NRIP1: variants seen among roughly 807,000 people sequenced by gnomAD.
NRIP1 encodes nuclear receptor interacting protein 1.
A neutral mutation model predicts 75.0 loss-of-function variants in NRIP1; 28 were observed. The ratio of observed to expected loss-of-function variants is 0.37; its 90% CI spans 0.28 to 0.51. The LOEUF (loss-of-function observed/expected upper bound fraction) is 0.51, where lower values mean the gene tolerates loss of function less well. Ranked by LOEUF, NRIP1 falls within the 20% of genes least tolerant of loss-of-function variation. NRIP1 has a pLI of 0.92. For missense variants in NRIP1, 1,435 were observed against 1,343.7 expected (o/e 1.07, Z -1.06); for synonymous variants, 526 against 487.6 (o/e 1.08, Z -1.04).
intron 2 of NRIP1, among the ~76,000 whole-genome samples, chr21:15,023,047 G>A (rs1344186469): frequency 6.6e-6 from 1 of 152,182 alleles, no homozygotes; most frequent in Non-Finnish European, 1.5e-5. Context: ...ATCGGTGGTT[G>A]TCTAGGGCTG....
chr21:15,014,800 T>C (rs573573993), intron 2 of NRIP1, among the ~76,000 whole-genome samples: 6 of 151,144 alleles, frequency 4.0e-5, no homozygotes, highest in African/African-American at 1.5e-4. Context: ...TACAAAAAAT[T>C]ATAAATCCTC....
chr21:15,054,567 A>G (rs1314762135), intron 1 of NRIP1, among the ~76,000 whole-genome samples: 1 of 152,250 alleles, frequency 6.6e-6, no homozygotes, highest in Non-Finnish European at 1.5e-5. Context: ...TTAAGGAAAA[A>G]ATATTGTTCC....
intron 2 of NRIP1, among the ~76,000 whole-genome samples, chr21:15,015,484 T>TA (rs1157201110): frequency 6.6e-6 from 1 of 152,026 alleles, no homozygotes; most frequent in Admixed American, 6.6e-5. Context: ...TTATCCTAAT[T>TA]AAAAAAATCA....
chr21:15,041,750 A>C (rs1182509591), intron 2 of NRIP1, among the ~76,000 whole-genome samples: 4 of 152,176 alleles, frequency 2.6e-5, no homozygotes, highest in Non-Finnish European at 5.9e-5. Context: ...TTTATAGCTA[A>C]GTGTGAATGT....
At position 14,964,954 on chromosome 21, in the gene NRIP1, G is replaced by A. The variant is rs147310650; in HGVS notation, c.3239C>T (p.Thr1080Ile). ...GTCCTTGTCTTGTGTTTCTCGACTG[G>A]TAACAGAATTGCCTCCTTTTTGAAG... ...YMLQKGGNSV[T>I]SRETQDKDIW... The change falls in exon 4 of 4, where the codon ACC (threonine) becomes ATC (isoleucine). Residue 1080 changes from threonine to isoleucine, a missense_variant. Transcript: ENST00000318948. 33 of 1,613,812 alleles carry A rather than the reference G, an allele frequency of 2.0e-5. No individual in the cohort carries two copies. The highest frequency in any genetic ancestry group is 4.0e-5 in the African/African-American group (3 of 74,902).
Position 14,966,826 on chromosome 21 carries a change from T to A in NRIP1, c.1367A>T (p.Gln456Leu). 5.0e-6 allele frequency: 8 copies of A among 1,614,120 alleles called. No homozygotes were observed. Among genetic ancestry groups the A allele is most frequent in the Non-Finnish European group, 6.8e-6 (8 of 1,179,996 alleles). The change falls in exon 4 of 4, where the codon CAA becomes CTA. Residue 456 changes from glutamine (Q) to leucine (L), a missense_variant. Physicochemically the swap from Gln to Leu is moderately radical, Grantham distance 113. Transcript: ENST00000318948. ...KHRTEKSESD[Q>L]PVSLDNFTQS... ...AGTGAAGTTATCCAGGGAAACAGGT[T>A]GGTCAGATTCTGATTTTTCAGTTCG... is the stretch of plus-strand genomic sequence containing the variant.
At position 14,966,040 on chromosome 21, in the gene NRIP1, C is replaced by T; in HGVS notation, c.2153G>A (p.Gly718Glu). 1 of 1,612,662 alleles carries T rather than the reference C, an allele frequency of 6.2e-7. No homozygotes were observed. Among genetic ancestry groups the T allele is most frequent in the Non-Finnish European group, 8.5e-7 (1 of 1,179,808 alleles). Residue 718 changes from glycine (G) to glutamate (E), a missense_variant, in exon 4 of 4, where the codon GGG becomes GAG. Physicochemically the swap from Gly to Glu is moderately conservative, Grantham distance 98 (BLOSUM62 -2). Transcript: ENST00000318948. ...TTCACTCTTCCCTTTGTTGGGGTTC[C>T]CCAGGAGCAACTGGAGGACAGTACG... ...ERRTVLQLLL[G>E]NPNKGKSEKK...
At chr21:15,050,929 A>G in intron 1 of NRIP1, 1 of 455,818 alleles carries the variant, frequency 2.2e-6, no homozygotes, top group South Asian at 1.5e-5. Flanking sequence ...GAGCCTGTAT[A>G]CCTATAACTT....
At chr21:15,044,331 T>C (rs543566501) in intron 1 of NRIP1, among the ~76,000 whole-genome samples, 1 of 150,082 alleles carries the variant, frequency 6.7e-6, no homozygotes, top group South Asian at 2.1e-4. Flanking sequence ...AGAACCATAC[T>C]AGATATAGAA....
intron 3 of NRIP1, among the ~76,000 whole-genome samples, chr21:14,987,690 T>C (rs2087446417): frequency 6.6e-6 from 1 of 152,176 alleles, no homozygotes; most frequent in Admixed American, 6.6e-5. Flanking sequence ...ACAAAGTGTA[T>C]TTTACATTTT....
intron 1 of NRIP1, among the ~76,000 whole-genome samples, chr21:15,058,862 A>G (rs1380642582): frequency 6.6e-6 from 1 of 152,212 alleles, no homozygotes; most frequent in African/African-American, 2.4e-5. Context: ...TTTTCTCTTA[A>G]GTATCTAAAG....
At chr21:14,995,766 CGTGTGTGTGTGT>C (rs55916377) in intron 3 of NRIP1, among the ~76,000 whole-genome samples, 12 of 149,368 alleles carry the variant, frequency 8.0e-5, no homozygotes, top group Non-Finnish European at 1.8e-4. Flanking sequence ...GCTGTGTGTG[CGTGTGTGTGTGT>C]GTGTGTGTGT....
At chr21:15,009,721 A>C (rs1042963907) in intron 3 of NRIP1, among the ~76,000 whole-genome samples, 3 of 152,244 alleles carry the variant, frequency 2.0e-5, no homozygotes, top group Non-Finnish European at 4.4e-5. Context: ...ATTGCCAGTA[A>C]TGACAAACTT....
intron 3 of NRIP1, among the ~76,000 whole-genome samples, chr21:14,980,814 T>C (rs2087213996): frequency 1.3e-5 from 2 of 152,138 alleles, no homozygotes; most frequent in African/African-American, 4.8e-5. Flanking sequence ...TTTTGATAAA[T>C]TAAATACCTT....
Position 14,964,570 on chromosome 21 carries a change from C to T in NRIP1, c.*146G>A, listed in dbSNP as rs1048379457. 1 of 639,152 alleles carries T rather than the reference C, an allele frequency of 1.6e-6. No individual in the cohort carries two copies. The highest frequency in any genetic ancestry group is 2.5e-6 in the Non-Finnish European group (1 of 394,852). 39.6% of individuals were successfully genotyped at this position (639,152 alleles called of 1,614,324 possible). A position where few individuals can be genotyped will look rare whatever the true frequency, so the allele number is the denominator to read the frequency against. On this transcript the variant is annotated 3_prime_UTR_variant, in exon 4 of 4. Coordinates refer to ENST00000318948, the MANE Select transcript of NRIP1 (RefSeq NM_003489.4). ...TAAGCAAAAATTAGTATGCATATTT[C>T]AACATCACCAGTAACCAATACTTTT...
At chr21:15,032,511 G>A (rs963160391) in intron 2 of NRIP1, among the ~76,000 whole-genome samples, 2 of 150,368 alleles carry the variant, frequency 1.3e-5, no homozygotes, top group East Asian at 1.9e-4. Context: ...AAAAAAAACC[G>A]TTCGAAGTCA....
intron 3 of NRIP1, among the ~76,000 whole-genome samples, chr21:14,973,563 T>C (rs1445375886): frequency 6.6e-6 from 1 of 152,134 alleles, no homozygotes; most frequent in Non-Finnish European, 1.5e-5. Flanking sequence ...TTCCATAAAA[T>C]TTTGAGGAAA....
At chr21:15,047,445 C>T (rs772469916) in intron 1 of NRIP1, among the ~76,000 whole-genome samples, 11 of 152,226 alleles carry the variant, frequency 7.2e-5, no homozygotes, top group South Asian at 4.2e-4. Context: ...GAGGCTGAGG[C>T]GGGAGAATGG....
chr21:15,000,227 T>C (rs2087820241), intron 3 of NRIP1, among the ~76,000 whole-genome samples: 2 of 152,256 alleles, frequency 1.3e-5, no homozygotes, highest in South Asian at 4.1e-4. Flanking sequence ...GAGCAACTCA[T>C]GTAAAAACTC....
Sources: gnomAD v4.1 joint callset for allele counts (sites outside exome capture counted in the v4.1 genomes callset) on GRCh38, gnomAD v4.1.1 for gene constraint, MANE v1.5 for transcripts, NCBI Gene and HGNC (gene_info 2026-07-23, HGNC 2026-07-21) for gene names.